GLIS3: variants seen among roughly 807,000 people sequenced by gnomAD.
The protein encoded by GLIS3 is zinc finger protein GLIS3.
Under a neutral mutation model 78.6 loss-of-function variants are expected in GLIS3, and 53 were observed. The observed-to-expected ratio is 0.67, with a 90% CI of 0.54 to 0.85. The LOEUF is 0.85. GLIS3 is among the 40% of genes least tolerant of loss of function. GLIS3 has a pLI of 0.00. For missense variants in GLIS3, 1,703 were observed against 1,231.1 expected, an observed-to-expected ratio of 1.38 and a Z score of -5.74; for synonymous variants, 684 against 509.9, an observed-to-expected ratio of 1.34 and a Z score of -4.60.
intron 7 of GLIS3, among the ~76,000 whole-genome samples, chr9:3,892,748 T>G (rs901716558): frequency 6.6e-6 from 1 of 152,120 alleles, no homozygotes; most frequent in Non-Finnish European, 1.5e-5. Context: ...GCAAATTCAG[T>G]TGAAGCAGAA....
chr9:3,971,970 G>T (rs1349568465), intron 4 of GLIS3, among the ~76,000 whole-genome samples: 1 of 152,130 alleles, frequency 6.6e-6, no homozygotes, highest in Non-Finnish European at 1.5e-5. Context: ...TGAGTAACAG[G>T]AAAGATCCCG....
chr9:3,975,855 C>T (rs1818743213), intron 4 of GLIS3, among the ~76,000 whole-genome samples: 1 of 152,034 alleles, frequency 6.6e-6, no homozygotes, highest in Admixed American at 6.6e-5. Flanking sequence ...TAAAAAATTG[C>T]ACCTGTCAAT....
At chr9:4,458,185 C>G in the GLIS3 span, among the ~76,000 whole-genome samples, 1 of 152,144 alleles carries the variant, frequency 6.6e-6, no homozygotes, top group African/African-American at 2.4e-5. Flanking sequence ...CTGTCTTGCT[C>G]TACTTGGGAG....
chr9:3,860,141 G>T (rs1054778505), intron 8 of GLIS3, among the ~76,000 whole-genome samples: 5 of 151,848 alleles, frequency 3.3e-5, no homozygotes, highest in African/African-American at 1.2e-4. Flanking sequence ...CGGGTGTAGT[G>T]GTGGGTGCCT....
chr9:4,471,816 G>C, the GLIS3 span, among the ~76,000 whole-genome samples: 1 of 152,158 alleles, frequency 6.6e-6, no homozygotes. Context: ...AGAGTGAACA[G>C]GCAACCTACA....
chr9:4,448,449 G>A, the GLIS3 span, among the ~76,000 whole-genome samples: 1 of 152,178 alleles, frequency 6.6e-6, no homozygotes, highest in Non-Finnish European at 1.5e-5. Context: ...ACTTCTCAAA[G>A]CTGAGCCAAC....
chr9:4,391,637 G>T, the GLIS3 span, among the ~76,000 whole-genome samples: 3 of 151,904 alleles, frequency 2.0e-5, no homozygotes, highest in Non-Finnish European at 2.9e-5. Flanking sequence ...ATATTTAACC[G>T]AAATTTGGGG....
the GLIS3 span, among the ~76,000 whole-genome samples, chr9:4,431,448 G>A: frequency 6.8e-6 from 1 of 146,960 alleles, no homozygotes; most frequent in African/African-American, 2.5e-5. Context: ...GATTGGGGAA[G>A]ATGAGGAGTT....
intron 1 of GLIS3, among the ~76,000 whole-genome samples, chr9:4,290,420 A>G (rs1008213479): frequency 1.8e-4 from 28 of 152,164 alleles, no homozygotes; most frequent in African/African-American, 6.3e-4. Flanking sequence ...TGGGTTCATG[A>G]CTGTATAATT....
the GLIS3 span, among the ~76,000 whole-genome samples, chr9:4,406,348 T>C: frequency 0.072 from 11,036 of 152,272 alleles, 848 homozygotes; most frequent in East Asian, 0.31. Flanking sequence ...AGTTTTGCTC[T>C]TGTCTCTTGT....
intron 2 of GLIS3, among the ~76,000 whole-genome samples, chr9:4,157,812 T>C (rs914732472): frequency 1.3e-5 from 2 of 152,226 alleles, no homozygotes; most frequent in African/African-American, 4.8e-5. Context: ...CCACATCACG[T>C]ATGCATTCTG....
chr9:4,275,092 TCTGC>T (rs1826862119), intron 2 of GLIS3, among the ~76,000 whole-genome samples: 1 of 152,200 alleles, frequency 6.6e-6, no homozygotes, highest in Admixed American at 6.5e-5. Flanking sequence ...ATTCATAGTA[TCTGC>T]CTGCCTGGGT....
the GLIS3 span, among the ~76,000 whole-genome samples, chr9:4,399,663 C>T: frequency 1.3e-5 from 2 of 151,834 alleles, no homozygotes; most frequent in Admixed American, 1.3e-4. Context: ...TATTTTTTTT[C>T]CTCAAGACTT....
chr9:4,060,312 A>C (rs999746894), intron 4 of GLIS3, among the ~76,000 whole-genome samples: 3 of 152,122 alleles, frequency 2.0e-5, no homozygotes, highest in African/African-American at 4.8e-5. Context: ...TTTGAACCTC[A>C]AATCTGGTTC....
At chr9:4,385,698 GAAAC>G in the GLIS3 span, among the ~76,000 whole-genome samples, 4,099 of 108,938 alleles carry the variant, frequency 0.038, 995 homozygotes, top group African/African-American at 0.14. Context: ...AAGAAAGAAA[GAAAC>G]AAAGAAAGGA....
intron 4 of GLIS3, among the ~76,000 whole-genome samples, chr9:4,073,706 C>A (rs1827813198): frequency 6.6e-6 from 1 of 152,204 alleles, no homozygotes; most frequent in Non-Finnish European, 1.5e-5. Flanking sequence ...GTCGGATTAC[C>A]TGAATTCAAA....
chr9:4,390,107 G>A, the GLIS3 span, among the ~76,000 whole-genome samples: 1 of 152,188 alleles, frequency 6.6e-6, no homozygotes, highest in Non-Finnish European at 1.5e-5. Flanking sequence ...TGAGGTAGAG[G>A]GAACCACGGA....
At chr9:4,068,383 T>C (rs990406480) in intron 4 of GLIS3, among the ~76,000 whole-genome samples, 2 of 152,100 alleles carry the variant, frequency 1.3e-5, no homozygotes, top group Non-Finnish European at 2.9e-5. Context: ...AATATTTAAT[T>C]AGAAAATTAA....
intron 2 of GLIS3, among the ~76,000 whole-genome samples, chr9:4,274,931 T>C (rs1029531267): frequency 2.6e-5 from 4 of 152,248 alleles, no homozygotes; most frequent in South Asian, 2.1e-4. Flanking sequence ...AAGTTGCATT[T>C]TGTAATGTGT....
Sources: allele counts gnomAD v4.1 joint callset (sites outside exome capture counted in the v4.1 genomes callset), GRCh38; gene constraint gnomAD v4.1.1; transcripts MANE v1.5; gene names NCBI Gene and HGNC (gene_info 2026-07-23, HGNC 2026-07-21).